SHROOM3: variants seen among roughly 807,000 people sequenced by gnomAD.
SHROOM3 encodes the protein protein Shroom3.
A neutral mutation model predicts 138.6 loss-of-function variants in SHROOM3; 47 were observed. The ratio of observed to expected loss-of-function variants is 0.34; its 90% CI spans 0.27 to 0.43. The LOEUF (loss-of-function observed/expected upper bound fraction) is 0.43. Among genes scored for constraint, SHROOM3 ranks in the 20% least tolerant of loss-of-function variants. The pLI is 1.00. For missense variants in SHROOM3, 2,491 were observed against 2,596.5 expected (o/e 0.96, Z 0.88); for synonymous variants, 1,062 against 1,063.3 (o/e 1.00, Z 0.02).
chr4:76,672,241 T>C (rs1023064745), intron 2 of SHROOM3, among the ~76,000 whole-genome samples: 1 of 152,090 alleles, frequency 6.6e-6, no homozygotes, highest in African/African-American at 2.4e-5. Flanking sequence ...GCATACAAAG[T>C]GCTAAGGTTA....
intron 2 of SHROOM3, among the ~76,000 whole-genome samples, chr4:76,593,463 T>G (rs1425564691): frequency 6.6e-6 from 1 of 152,330 alleles, no homozygotes; most frequent in East Asian, 1.9e-4. Flanking sequence ...TCTGAAAGAA[T>G]GATAAAACCA....
intron 1 of SHROOM3, among the ~76,000 whole-genome samples, chr4:76,528,490 C>T (rs1732750029): frequency 6.7e-6 from 1 of 148,382 alleles, no homozygotes; most frequent in African/African-American, 2.5e-5. Flanking sequence ...AAAAGCCAGT[C>T]TTTCTTCAGT....
In SHROOM3 at chr4:76,779,822, C is replaced by T. The variant is rs1262786892; in HGVS notation, c.*645C>T. ...TTGAGCGTGAAGACTTTTTTTCTTA[C>T]ATTCCTGTCTTATTTTTACCAACAC... On this transcript the variant is annotated 3_prime_UTR_variant, in exon 11 of 11. Transcript: ENST00000296043. 1 of 152,824 alleles carries T rather than the reference C, an allele frequency of 6.5e-6. No homozygotes were observed. The highest frequency in any genetic ancestry group is 2.4e-5 in the African/African-American group (1 of 41,444). 9.5% of individuals were successfully genotyped at this position (152,824 alleles called of 1,614,324 possible).
chr4:76,688,964 T>A, intron 2 of SHROOM3: 1 of 734,548 alleles, frequency 1.4e-6, no homozygotes, highest in Non-Finnish European at 1.6e-6. Context: ...ATGCGAGCTT[T>A]TTTTTTTTTT....
chr4:76,710,149 T>C lies in SHROOM3; in HGVS notation c.324-7T>C. 6.2e-7 allele frequency: 1 copy of C among 1,614,016 alleles called. No individual in the cohort carries two copies. The highest frequency in any genetic ancestry group is 8.5e-7 in the Non-Finnish European group (1 of 1,179,964). ...TGCTCAGCTTCTTCTTTTCCTATTGTTGACAGAGATGTGTGCACAGACCCA... is the reference window on the plus strand; with the variant it reads ...TGCTCAGCTTCTTCTTTTCCTATTGCTGACAGAGATGTGTGCACAGACCCA... On this transcript the variant is annotated splice_region_variant and splice_polypyrimidine_tract_variant and intron_variant, in intron 2 of 10. Coordinates refer to ENST00000296043, the MANE Select transcript of SHROOM3 (RefSeq NM_020859.4).
intron 1 of SHROOM3, among the ~76,000 whole-genome samples, chr4:76,500,472 G>T (rs550191227): frequency 2.0e-5 from 3 of 152,164 alleles, no homozygotes; most frequent in Non-Finnish European, 2.9e-5. Flanking sequence ...CCCTGTCTCA[G>T]TGAAGATCGG....
At chr4:76,762,382 G>T (rs1426181351) in intron 9 of SHROOM3, among the ~76,000 whole-genome samples, 4 of 152,184 alleles carry the variant, frequency 2.6e-5, no homozygotes, top group African/African-American at 9.7e-5. Flanking sequence ...TGCCAACAAG[G>T]CTAGGCACTT....
chr4:76,741,604 A>C lies in SHROOM3; in HGVS notation c.3431A>C (p.Glu1144Ala), dbSNP rs1721258441. ...GCCTCCAGCTTGAGCTCACTGCGGGAGCCCAGCCTGCAGCCCCGCAGGGAG... is the reference window on the plus strand; with the variant it reads ...GCCTCCAGCTTGAGCTCACTGCGGGCGCCCAGCCTGCAGCCCCGCAGGGAG... ...ASASSLSSLR[E>A]PSLQPRREAT... The change falls in exon 5 of 11, where the codon GAG (glutamate) becomes GCG (alanine). Residue 1144 changes from glutamate to alanine, a missense_variant. Glu to Ala is a moderately radical substitution (Grantham distance 107). Coordinates refer to ENST00000296043, the MANE Select transcript of SHROOM3 (RefSeq NM_020859.4). This position sits in a 1 kb window ranked among gnomAD's most constrained non-coding sequence, Gnocchi z 6.2. The C allele has an allele frequency of 1.3e-6, 2 of 1,539,546 alleles. No individual in the cohort carries two copies. The highest frequency in any genetic ancestry group is 1.4e-5 in the African/African-American group (1 of 73,154).
At chr4:76,608,642 A>G (rs1210854658) in intron 2 of SHROOM3, among the ~76,000 whole-genome samples, 3 of 17,378 alleles carry the variant, frequency 1.7e-4, no homozygotes, top group East Asian at 0.011. Flanking sequence ...ATAGCATAGC[A>G]TAGCATAGCA....
At chr4:76,657,190 GCT>G (rs751814730) in intron 2 of SHROOM3, among the ~76,000 whole-genome samples, 113 of 144,944 alleles carry the variant, frequency 7.8e-4, no homozygotes, top group Non-Finnish European at 1.0e-3. Context: ...TCTCTCTCTC[GCT>G]CTCTCTCTCT....
At chr4:76,453,981 T>C (rs1020818272) in intron 1 of SHROOM3, among the ~76,000 whole-genome samples, 1 of 152,230 alleles carries the variant, frequency 6.6e-6, no homozygotes, top group Admixed American at 6.5e-5. Flanking sequence ...TCTATTTTTT[T>C]CTAAGAGTTT....
At chr4:76,576,125 G>A (rs903469153) in intron 2 of SHROOM3, among the ~76,000 whole-genome samples, 1 of 152,122 alleles carries the variant, frequency 6.6e-6, no homozygotes, top group East Asian at 1.9e-4. Flanking sequence ...GCTACCATAC[G>A]ATCCAGCAAT....
chr4:76,600,664 G>A lies in SHROOM3; in HGVS notation c.323+44901G>A, dbSNP rs185155215. 3.4e-3 allele frequency among the ~76,000 whole-genome samples: 523 copies of A among 152,282 alleles called. 1 individual carries two copies. Among genetic ancestry groups the A allele is most frequent in the African/African-American group, 0.012 (500 of 41,548 alleles). On this transcript the variant is annotated intron_variant, in intron 2 of 10. Transcript: ENST00000296043. ...GTAACTTTGGTCATTGCTCTGGAAT[G>A]TTCCTGATGGTGCTGCCAGTTTTCA...
In SHROOM3 at chr4:76,782,464, T is replaced by C. The variant is rs1258759928; in HGVS notation, c.*3287T>C. ...ACTGTTAATATCTCATCTAAAATAATTCATGAGTTTAAATGGTAAATATAT... is the reference window on the plus strand; with the variant it reads ...ACTGTTAATATCTCATCTAAAATAACTCATGAGTTTAAATGGTAAATATAT... On this transcript the variant is annotated 3_prime_UTR_variant, in exon 11 of 11. Coordinates refer to ENST00000296043, the MANE Select transcript of SHROOM3 (RefSeq NM_020859.4). The C allele has an allele frequency of 2.0e-5, 3 of 152,224 alleles. No individual in the cohort carries two copies. Among genetic ancestry groups the C allele is most frequent in the African/African-American group, 4.8e-5 (2 of 41,462 alleles). 9.4% of individuals were successfully genotyped at this position (152,224 alleles called of 1,614,324 possible).
intron 1 of SHROOM3, among the ~76,000 whole-genome samples, chr4:76,494,767 C>T (rs1004821812): frequency 2.0e-5 from 3 of 152,140 alleles, no homozygotes; most frequent in Non-Finnish European, 4.4e-5. Flanking sequence ...CTGTGTGGTG[C>T]TTGCTGTGGT....
chr4:76,561,763 A>G (rs2110033024), intron 2 of SHROOM3, among the ~76,000 whole-genome samples: 1 of 151,782 alleles, frequency 6.6e-6, no homozygotes, highest in East Asian at 1.9e-4. Flanking sequence ...TAATCCCAGC[A>G]CTTTGGAAGG....
chr4:76,435,991 C>A lies in SHROOM3; in HGVS notation c.-62C>A. The A allele has an allele frequency of 6.3e-7, 1 of 1,576,352 alleles. No homozygotes were observed. The highest frequency in any genetic ancestry group is 1.1e-5 in the South Asian group (1 of 88,672). On this transcript the variant is annotated 5_prime_UTR_variant, in exon 1 of 11. Coordinates refer to ENST00000296043, the MANE Select transcript of SHROOM3 (RefSeq NM_020859.4). ...GATGGGACAACTTGTGCTGTAGAAG[C>A]ACTGCTTGCCTGAGTTTGCTTCAGG...
chr4:76,501,377 T>C (rs1056145800), intron 1 of SHROOM3, among the ~76,000 whole-genome samples: 1 of 152,226 alleles, frequency 6.6e-6, no homozygotes, highest in African/African-American at 2.4e-5. Context: ...CAGTCCCTGA[T>C]ACAGAGCTCT....
intron 1 of SHROOM3, among the ~76,000 whole-genome samples, chr4:76,474,881 C>T (rs555302546): frequency 2.6e-5 from 4 of 151,716 alleles, no homozygotes; most frequent in African/African-American, 7.3e-5. Context: ...GAGCTGAGAT[C>T]GCGCCACTGC....
Sources: gnomAD v4.1 joint callset for allele counts (sites outside exome capture counted in the v4.1 genomes callset) on GRCh38, gnomAD v4.1.1 for gene constraint, Gnocchi (gnomAD v3.1) non-coding constraint, MANE v1.5 for transcripts, NCBI Gene and HGNC (gene_info 2026-07-23, HGNC 2026-07-21) for gene names.